TTC27: variants seen among roughly 807,000 people sequenced by gnomAD.
The protein encoded by TTC27 is tetratricopeptide repeat domain 27.
In TTC27, 79 loss-of-function variants were observed where a neutral mutation model predicts 115.9. That is an observed-to-expected ratio of 0.68 (90% CI 0.57 to 0.82). TTC27 has a LOEUF of 0.82. TTC27 is among the 40% of genes least tolerant of loss of function. The pLI, the probability that TTC27 is intolerant of heterozygous loss-of-function variation, is 0.00. For synonymous variants in TTC27, 401 were observed against 356.0 expected, an observed-to-expected ratio of 1.13 and a Z score of -1.42; for missense variants, 1,054 against 993.1, an observed-to-expected ratio of 1.06 and a Z score of -0.82.
intron 9 of TTC27, among the ~76,000 whole-genome samples, chr2:32,699,325 G>T (rs1048951716): frequency 2.6e-5 from 4 of 152,206 alleles, no homozygotes; most frequent in African/African-American, 9.6e-5. Flanking sequence ...GTAGGCATTG[G>T]GGTGATCACT....
chr2:32,683,595 T>G (rs977549788), intron 9 of TTC27, among the ~76,000 whole-genome samples: 5 of 152,154 alleles, frequency 3.3e-5, no homozygotes, highest in African/African-American at 1.2e-4. Flanking sequence ...CTTTACTTGT[T>G]TAAGGTTGCT....
intron 5 of TTC27, among the ~76,000 whole-genome samples, chr2:32,660,850 A>G (rs919584932): frequency 6.6e-6 from 1 of 152,156 alleles, no homozygotes; most frequent in Non-Finnish European, 1.5e-5. Context: ...GCCCATGCCT[A>G]TGTCCTGAAT....
intron 4 of TTC27, among the ~76,000 whole-genome samples, chr2:32,645,489 G>A (rs1664818005): frequency 6.6e-6 from 1 of 152,076 alleles, no homozygotes; most frequent in Non-Finnish European, 1.5e-5. Context: ...TCTAAAGCAA[G>A]ACCTCAAGTT....
Position 32,666,707 on chromosome 2 carries a change from G to C in TTC27, c.878G>C (p.Gly293Ala), listed in dbSNP as rs1487578936. The C allele has an allele frequency of 6.2e-7, 1 of 1,613,974 alleles. No homozygotes were observed. Among genetic ancestry groups the C allele is most frequent in the East Asian group, 2.2e-5 (1 of 44,862 alleles). ...AQLILDVRRE[G>A]DVLSNCEFTP... Reference sequence around the variant, plus strand: ...CTGATTCTAGATGTAAGAAGGGAAGGGGATGTCCTTTCAAATTGTGAATTC... The same window carrying C: ...CTGATTCTAGATGTAAGAAGGGAAGCGGATGTCCTTTCAAATTGTGAATTC... The change falls in exon 7 of 20, where the codon GGG (glycine) becomes GCG (alanine). Residue 293 changes from glycine (G) to alanine (A), a missense_variant. Physicochemically the swap from Gly to Ala is moderately conservative, Grantham distance 60. Coordinates refer to ENST00000317907, the MANE Select transcript of TTC27 (RefSeq NM_017735.5).
intron 12 of TTC27, among the ~76,000 whole-genome samples, chr2:32,752,988 C>G (rs760437426): frequency 3.9e-5 from 6 of 152,142 alleles, no homozygotes; most frequent in Non-Finnish European, 7.3e-5. Flanking sequence ...ATTTGTTTCC[C>G]TCTCATGGTT....
In TTC27 at chr2:32,633,862, A is replaced by C; in HGVS notation, c.267-14A>C. Reference sequence around the variant, plus strand: ...GTAGTTCATATTTATTTCTTTAACCATTCTTATATGCAGACAACAGTTGAT... The same window carrying C: ...GTAGTTCATATTTATTTCTTTAACCCTTCTTATATGCAGACAACAGTTGAT... On this transcript the variant is annotated splice_polypyrimidine_tract_variant and intron_variant, in intron 2 of 19. Coordinates refer to ENST00000317907, the MANE Select transcript of TTC27 (RefSeq NM_017735.5). 1.2e-6 allele frequency: 2 copies of C among 1,610,670 alleles called. No individual in the cohort carries two copies. The highest frequency in any genetic ancestry group is 2.2e-5 in the South Asian group (2 of 90,120).
intron 5 of TTC27, among the ~76,000 whole-genome samples, chr2:32,653,074 G>A (rs998383681): frequency 1.3e-5 from 2 of 152,144 alleles, no homozygotes; most frequent in African/African-American, 4.8e-5. Flanking sequence ...ATGAAAGCAT[G>A]CTTCTCTAAA....
intron 11 of TTC27, among the ~76,000 whole-genome samples, chr2:32,734,909 A>G (rs1396505690): frequency 6.6e-6 from 1 of 152,170 alleles, no homozygotes; most frequent in Non-Finnish European, 1.5e-5. Context: ...TATTGCAACA[A>G]TTTTTAAAAA....
In TTC27 at chr2:32,820,901, TC is replaced by T; in HGVS notation, c.2497del (p.Gln833LysfsTer3). On this transcript the variant is annotated frameshift_variant, in exon 20 of 20. Coordinates refer to ENST00000317907, the MANE Select transcript of TTC27 (RefSeq NM_017735.5). LOFTEE classifies it high-confidence loss of function. The part of the protein sequence containing the change: ...ITAMDTLVTE[L>X]QDLSNQFRNQ... ...GCTATGGACACCTTAGTGACAGAGC[TC>T]CAAGACCTAAGCAACCAGTTTCGAA... 6.5e-7 allele frequency: 1 copy of T among 1,530,788 alleles called. No individual in the cohort carries two copies. The highest frequency in any genetic ancestry group is 8.8e-7 in the Non-Finnish European group (1 of 1,133,824). The allele number at this position is 1,530,788 out of a possible 1,614,324, so 94.8% of individuals were successfully genotyped here. A position where few individuals can be genotyped will look rare whatever the true frequency, so the allele number is the denominator to read the frequency against.
At chr2:32,682,662 A>T (rs1449740697) in intron 9 of TTC27, among the ~76,000 whole-genome samples, 1 of 139,428 alleles carries the variant, frequency 7.2e-6, no homozygotes, top group Non-Finnish European at 1.5e-5. Flanking sequence ...CAAATATAAT[A>T]GAAGTCTTTT....
intron 5 of TTC27, among the ~76,000 whole-genome samples, chr2:32,656,985 CTTTT>C (rs11386617): frequency 7.6e-6 from 1 of 131,452 alleles, no homozygotes. Context: ...TAGCACAATT[CTTTT>C]TTTTTTTTTT....
rs115748438 is a variant in TTC27, at chr2:32,670,324, C to T, written c.940-1948C>T. Among the ~76,000 whole-genome samples, 1,448 of 152,210 alleles carry T rather than the reference C, an allele frequency of 9.5e-3. 13 individuals are homozygous for T. The highest frequency in any genetic ancestry group is 0.027 in the Middle Eastern group (8 of 294). On this transcript the variant is annotated intron_variant, in intron 7 of 19. Transcript: ENST00000317907. ...TTTGTTGAGATTTAACAATTAGACG[C>T]GTGTCACCACCACCACAATGAAAAA...
At chr2:32,740,758 G>A (rs1449550728) in intron 12 of TTC27, among the ~76,000 whole-genome samples, 4 of 152,168 alleles carry the variant, frequency 2.6e-5, no homozygotes, top group African/African-American at 9.6e-5. Flanking sequence ...GGGTTCAAGC[G>A]ATTCTCTTGC....
intron 16 of TTC27, among the ~76,000 whole-genome samples, chr2:32,787,871 TA>T (rs1052596578): frequency 4.6e-5 from 7 of 152,166 alleles, no homozygotes; most frequent in Non-Finnish European, 8.8e-5. Flanking sequence ...AATGGAGAGA[TA>T]GCAGAGTTTT....
At chr2:32,628,520 T>G (rs1572452111) in intron 1 of TTC27, 140 bp downstream of exon 1, 1 of 838,350 alleles carries the variant, frequency 1.2e-6, no homozygotes, top group African/African-American at 1.8e-5. Context: ...TCGTTTAGTC[T>G]TTGACATGGT....
chr2:32,801,703 C>T (rs944573322), intron 16 of TTC27, among the ~76,000 whole-genome samples: 3 of 152,168 alleles, frequency 2.0e-5, no homozygotes, highest in Non-Finnish European at 2.9e-5. Context: ...TCCAATACCT[C>T]ACTGGGAGCT....
Position 32,628,127 on chromosome 2 carries a change from C to G in TTC27, c.-166C>G. 1 of 644,830 alleles carries G rather than the reference C, an allele frequency of 1.6e-6. No homozygotes were observed. Among genetic ancestry groups the G allele is most frequent in the Non-Finnish European group, 2.7e-6 (1 of 372,762 alleles). 39.9% of individuals were successfully genotyped at this position (644,830 alleles called of 1,614,324 possible). On this transcript the variant is annotated 5_prime_UTR_variant, in exon 1 of 20. Transcript: ENST00000317907. ...CCCCGCGCTGCTGTTATGGCCGCCT[C>G]CTTGAGGTAGTATCCGCACATGGAA...
chr2:32,681,724 A>G (rs1371321624), intron 9 of TTC27, among the ~76,000 whole-genome samples: 2 of 150,626 alleles, frequency 1.3e-5, no homozygotes, highest in Non-Finnish European at 2.9e-5. Flanking sequence ...TATTTAAGGC[A>G]GGCTAAGTTA....
intron 12 of TTC27, among the ~76,000 whole-genome samples, chr2:32,748,517 T>G (rs1668903374): frequency 6.6e-6 from 1 of 152,328 alleles, no homozygotes; most frequent in South Asian, 2.1e-4. Flanking sequence ...AAAAGTTAGG[T>G]ATTGACATCT....
Sources: gnomAD v4.1 joint callset for allele counts (sites outside exome capture counted in the v4.1 genomes callset) on GRCh38, gnomAD v4.1.1 for gene constraint, MANE v1.5 for transcripts, NCBI Gene and HGNC (gene_info 2026-07-23, HGNC 2026-07-21) for gene names.